ACSS3: variants seen among roughly 807,000 people sequenced by gnomAD.
ACSS3 encodes acyl-CoA synthetase short chain family member 3, also known as acyl-CoA synthetase short-chain family member 3, mitochondrial.
In ACSS3, 64 loss-of-function variants were observed where a neutral mutation model predicts 84.2. The ratio of observed to expected loss-of-function variants is 0.76; its 90% CI spans 0.62 to 0.94. The LOEUF (loss-of-function observed/expected upper bound fraction) is 0.94, where lower values mean the gene tolerates loss of function less well. Ranked by LOEUF, ACSS3 falls within the 40% of genes least tolerant of loss-of-function variation. The pLI, the probability that ACSS3 is intolerant of heterozygous loss-of-function variation, is 0.00. For missense variants in ACSS3, 815 were observed against 867.6 expected, an observed-to-expected ratio of 0.94 and a Z score of 0.76; for synonymous variants, 317 against 310.1, an observed-to-expected ratio of 1.02 and a Z score of -0.23.
intron 1 of ACSS3, among the ~76,000 whole-genome samples, chr12:81,088,996 C>A (rs888888920): frequency 6.6e-6 from 1 of 151,902 alleles, no homozygotes; most frequent in Non-Finnish European, 1.5e-5. Context: ...TTGACAGCTT[C>A]TTTAGAAATG....
chr12:81,100,216 G>GTTTTTTTTT (rs34512313), intron 1 of ACSS3, among the ~76,000 whole-genome samples: 4 of 106,558 alleles, frequency 3.8e-5, no homozygotes, highest in East Asian at 2.7e-4. Context: ...AAAATTACCA[G>GTTTTTTTTT]TTTTTTTTTT....
chr12:81,254,616 C>T (rs893029945), intron 15 of ACSS3, among the ~76,000 whole-genome samples: 2 of 152,054 alleles, frequency 1.3e-5, no homozygotes, highest in African/African-American at 4.8e-5. Flanking sequence ...AGAGGAACTC[C>T]AACTCTAGAG....
At chr12:81,095,203 C>G (rs898728212) in intron 1 of ACSS3, among the ~76,000 whole-genome samples, 1 of 152,092 alleles carries the variant, frequency 6.6e-6, no homozygotes, top group African/African-American at 2.4e-5. Context: ...TGGTTCTTTG[C>G]CAGCTCATCA....
intron 9 of ACSS3, 64 bp from the exon 10 acceptor site, chr12:81,216,837 T>TA: frequency 7.2e-7 from 1 of 1,388,388 alleles, no homozygotes; most frequent in Non-Finnish European, 1.0e-6. Flanking sequence ...AGTGTGCATG[T>TA]ACTCAAGAAA....
rs1264274814 is a variant in ACSS3, at chr12:81,151,721, A to T, written c.922-123A>T. Reference sequence around the variant, plus strand: ...TTCAAAGATAATTTTATAAAAGCCAAAGTAACTTGTAGCTAATATATAAAA... The same window carrying T: ...TTCAAAGATAATTTTATAAAAGCCATAGTAACTTGTAGCTAATATATAAAA... On this transcript the variant is annotated intron_variant, in intron 5 of 15. Coordinates refer to ENST00000548058, the MANE Select transcript of ACSS3 (RefSeq NM_024560.4). 2.6e-5 allele frequency: 19 copies of T among 739,998 alleles called. No homozygotes were observed. The East Asian group carries it at 5.4e-4, about 21-fold the overall frequency. The allele number at this position is 739,998 out of a possible 1,614,324, so 45.8% of individuals were successfully genotyped here. A position where few individuals can be genotyped will look rare whatever the true frequency, so the allele number is the denominator to read the frequency against.
chr12:81,175,070 C>A lies in ACSS3; in HGVS notation c.1250+131C>A, dbSNP rs575311175. ...AAAAGATTCAGAGTGTTATTAAGAA[C>A]AACTTGTCTAAATATAATTTTGAAA... On this transcript the variant is annotated intron_variant, in intron 8 of 15. Transcript: ENST00000548058. The A allele has an allele frequency of 5.0e-5, 47 of 947,620 alleles. No individual in the cohort carries two copies. In the South Asian group the frequency reaches 1.8e-3, roughly 35 times the overall value. 58.7% of individuals were successfully genotyped at this position (947,620 alleles called of 1,614,324 possible).
intron 13 of ACSS3, among the ~76,000 whole-genome samples, chr12:81,246,410 C>T (rs1461629237): frequency 6.6e-6 from 1 of 152,128 alleles, no homozygotes; most frequent in African/African-American, 2.4e-5. Flanking sequence ...GCTCTTAGGG[C>T]TTTTTCTGTC....
chr12:81,141,411 G>C (rs1308991737), intron 4 of ACSS3, among the ~76,000 whole-genome samples: 1 of 152,142 alleles, frequency 6.6e-6, no homozygotes, highest in Non-Finnish European at 1.5e-5. Flanking sequence ...AAACTTGGCT[G>C]CCACACCTAA....
intron 3 of ACSS3, among the ~76,000 whole-genome samples, chr12:81,138,748 A>G (rs542121326): frequency 3.3e-5 from 5 of 152,338 alleles, no homozygotes; most frequent in Admixed American, 2.6e-4. Flanking sequence ...TAGAAAACCT[A>G]TGAAATGCTA....
intron 4 of ACSS3, among the ~76,000 whole-genome samples, chr12:81,140,290 C>T (rs1163149450): frequency 2.6e-5 from 4 of 152,082 alleles, no homozygotes; most frequent in South Asian, 2.1e-4. Context: ...TACAATTTAC[C>T]GTACTTTTCC....
At chr12:81,129,715 T>G (rs1885360147) in intron 2 of ACSS3, among the ~76,000 whole-genome samples, 1 of 152,168 alleles carries the variant, frequency 6.6e-6, no homozygotes, top group South Asian at 2.1e-4. Context: ...CATGTTGGTG[T>G]GCTGCACCCA....
At chr12:81,162,214 C>T (rs759135399) in intron 7 of ACSS3, among the ~76,000 whole-genome samples, 11 of 152,182 alleles carry the variant, frequency 7.2e-5, no homozygotes, top group Non-Finnish European at 1.3e-4. Flanking sequence ...AATTGAGCAA[C>T]AGTACGGTCT....
intron 5 of ACSS3, among the ~76,000 whole-genome samples, chr12:81,148,024 T>C (rs906029442): frequency 6.0e-5 from 9 of 150,598 alleles, no homozygotes; most frequent in African/African-American, 9.9e-5. Context: ...ATATATATAT[T>C]TGCCTTGTAT....
intron 9 of ACSS3, among the ~76,000 whole-genome samples, chr12:81,210,146 AG>A (rs1417243491): frequency 6.6e-6 from 1 of 152,138 alleles, no homozygotes; most frequent in African/African-American, 2.4e-5. Context: ...CCCCTATTCA[AG>A]ATGGAGTTGC....
intron 1 of ACSS3, among the ~76,000 whole-genome samples, chr12:81,080,691 G>T: frequency 6.6e-6 from 1 of 152,096 alleles, no homozygotes; most frequent in Admixed American, 6.6e-5. Flanking sequence ...GTCCTGATTG[G>T]TTAGCAAATT....
chr12:81,178,699 T>C (rs984237955), intron 8 of ACSS3, among the ~76,000 whole-genome samples: 2 of 152,176 alleles, frequency 1.3e-5, no homozygotes, highest in African/African-American at 4.8e-5. Context: ...AGAATCAATA[T>C]TGTAAAAATG....
At chr12:81,141,171 C>T (rs1399845868) in intron 4 of ACSS3, among the ~76,000 whole-genome samples, 2 of 152,232 alleles carry the variant, frequency 1.3e-5, no homozygotes, top group East Asian at 3.8e-4. Context: ...GCCTGCTCCC[C>T]TCCAATAACT....
At chr12:81,114,029 A>C (rs1201977015) in intron 2 of ACSS3, among the ~76,000 whole-genome samples, 6 of 152,002 alleles carry the variant, frequency 3.9e-5, no homozygotes, top group African/African-American at 1.4e-4. Context: ...CACCATCACT[A>C]ATTTTATGTT....
At chr12:81,085,573 C>A (rs1411691455) in intron 1 of ACSS3, among the ~76,000 whole-genome samples, 1 of 152,178 alleles carries the variant, frequency 6.6e-6, no homozygotes, top group Non-Finnish European at 1.5e-5. Context: ...TTAATAGCTC[C>A]AGTGGCTAAG....
Sources: gnomAD v4.1 joint callset for allele counts (sites outside exome capture counted in the v4.1 genomes callset) on GRCh38, gnomAD v4.1.1 for gene constraint, MANE v1.5 for transcripts, NCBI Gene and HGNC (gene_info 2026-07-23, HGNC 2026-07-21) for gene names.